RPS6KA2: variants seen among roughly 807,000 people sequenced by gnomAD.
RPS6KA2 encodes the protein ribosomal protein S6 kinase alpha-2.
Under a neutral mutation model 91.8 loss-of-function variants are expected in RPS6KA2, and 42 were observed. That is an observed-to-expected ratio of 0.46 (90% confidence interval 0.36 to 0.59). RPS6KA2 has a LOEUF of 0.59. Ranked by LOEUF, RPS6KA2 falls within the 20% of genes least tolerant of loss-of-function variation. The pLI is 0.00. For missense variants in RPS6KA2, 798 were observed against 978.5 expected (o/e 0.82, Z 2.46); for synonymous variants, 414 against 393.6 (o/e 1.05, Z -0.61).
chr6:166,523,377 C>T (rs1014582220), intron 3 of RPS6KA2, among the ~76,000 whole-genome samples: 2 of 152,186 alleles, frequency 1.3e-5, no homozygotes, highest in Non-Finnish European at 2.9e-5. Context: ...GATGTAGCTT[C>T]TTGCTGAAGA....
At chr6:166,704,350 C>T (rs772244901) in intron 2 of RPS6KA2, among the ~76,000 whole-genome samples, 40 of 152,328 alleles carry the variant, frequency 2.6e-4, no homozygotes, top group Middle Eastern at 3.4e-3. Context: ...ACGAGGCATG[C>T]GCATACTGCT....
At chr6:166,424,953 G>C (rs1778854946) in intron 16 of RPS6KA2, among the ~76,000 whole-genome samples, 1 of 152,176 alleles carries the variant, frequency 6.6e-6, no homozygotes. Flanking sequence ...ATTTGGAGCT[G>C]AAAACAACTG....
intron 2 of RPS6KA2, among the ~76,000 whole-genome samples, chr6:166,649,309 G>T (rs1787777758): frequency 6.6e-6 from 1 of 152,018 alleles, no homozygotes; most frequent in Non-Finnish European, 1.5e-5. Context: ...TAGGACCTTT[G>T]TTCATGCATT....
At chr6:166,645,829 A>G (rs1194452623) in intron 2 of RPS6KA2, among the ~76,000 whole-genome samples, 3 of 152,260 alleles carry the variant, frequency 2.0e-5, no homozygotes, top group African/African-American at 7.2e-5. Context: ...TACATGTGTC[A>G]ACATTTCAAC....
rs1778422248 is a variant in RPS6KA2 at position 166,770,008 on chromosome 6, A to G, written c.123+88192T>C. Among the ~76,000 whole-genome samples, 1 of 152,250 alleles carries G rather than the reference A, an allele frequency of 6.6e-6. No individual in the cohort carries two copies. Among genetic ancestry groups the G allele is most frequent in the Non-Finnish European group, 1.5e-5 (1 of 68,038 alleles). On this transcript the variant is annotated intron_variant, in intron 2 of 21. Transcript: ENST00000503859. This position sits in a 1 kb window ranked among gnomAD's most constrained non-coding sequence, Gnocchi z 5.1. ...AGTATTTTTGTTTCAAATGAACTACAGCGCAGTTTAACGTATCAATGTAGA... is the reference window on the plus strand; with the variant it reads ...AGTATTTTTGTTTCAAATGAACTACGGCGCAGTTTAACGTATCAATGTAGA...
intron 1 of RPS6KA2, among the ~76,000 whole-genome samples, chr6:166,618,681 C>A (rs1446057188): frequency 1.3e-5 from 2 of 152,248 alleles, no homozygotes; most frequent in East Asian, 3.8e-4. Context: ...AAATGCCCAT[C>A]ACCTCCGTTA....
chr6:166,566,825 T>C lies in RPS6KA2; in HGVS notation c.100-28041A>G, dbSNP rs140038173. On this transcript the variant is annotated intron_variant, in intron 1 of 20. Coordinates refer to ENST00000265678, the MANE Select transcript of RPS6KA2 (RefSeq NM_021135.6). Reference sequence around the variant, plus strand: ...TGACAGGCTCAGGGAAGCTGGGTGATTGGCTGGAGATCACACAGCCCACGC... The same window carrying C: ...TGACAGGCTCAGGGAAGCTGGGTGACTGGCTGGAGATCACACAGCCCACGC... 2.8e-3 allele frequency among the ~76,000 whole-genome samples: 434 copies of C among 152,302 alleles called. 2 individuals are homozygous for C. The highest frequency in any genetic ancestry group is 0.01 in the African/African-American group (421 of 41,556).
chr6:166,862,181 T>C (rs201503297), exon 1 of RPS6KA2: 12 of 1,614,182 alleles, frequency 7.4e-6, no homozygotes, highest in African/African-American at 6.7e-5. Flanking sequence ...TTTTAAACTT[T>C]CCTTTTCTGC....
At chr6:166,834,649 C>T (rs1256668736) in intron 2 of RPS6KA2, among the ~76,000 whole-genome samples, 1 of 152,122 alleles carries the variant, frequency 6.6e-6, no homozygotes, top group African/African-American at 2.4e-5. Flanking sequence ...AAATCTTTTG[C>T]CCATTTTTAT....
chr6:166,777,416 G>C (rs904721178), intron 2 of RPS6KA2, among the ~76,000 whole-genome samples: 6 of 152,136 alleles, frequency 3.9e-5, no homozygotes, highest in Non-Finnish European at 7.3e-5. Flanking sequence ...CTGAAACTGA[G>C]CCACGGGGAA....
exon 1 of RPS6KA2, chr6:166,862,493 G>A (rs538678409): frequency 7.4e-5 from 52 of 701,118 alleles, no homozygotes; most frequent in Middle Eastern, 5.1e-4. Context: ...CGGCGCTGCG[G>A]CTTCGGAATC....
At position 166,412,951 on chromosome 6, in the gene RPS6KA2, G is replaced by A. The variant is rs1243438629; in HGVS notation, c.2077-64C>T. ...CACTCCAGGGGTTGAGCCGGAGCCC[G>A]GGGCCTCCATGGGCCTCAGCTGCCC... On this transcript the variant is annotated intron_variant, in intron 20 of 20. Transcript: ENST00000265678. The surrounding 1 kb of genome is among the most constrained non-coding windows in gnomAD (Gnocchi z 4.3). The A allele has an allele frequency of 6.8e-7, 1 of 1,467,842 alleles. No homozygotes were observed. Among genetic ancestry groups the A allele is most frequent in the Admixed American group, 2.2e-5 (1 of 44,876 alleles). The allele number at this position is 1,467,842 out of a possible 1,614,324, so 90.9% of individuals were successfully genotyped here. A position where few individuals can be genotyped will look rare whatever the true frequency, so the allele number is the denominator to read the frequency against.
intron 6 of RPS6KA2, among the ~76,000 whole-genome samples, chr6:166,502,018 G>C (rs891712495): frequency 2.6e-5 from 4 of 152,194 alleles, no homozygotes; most frequent in African/African-American, 9.7e-5. Context: ...TCCCTAGAGG[G>C]GCCAGAGTCA....
rs143719390 is a variant in RPS6KA2, at chr6:166,639,940, G to A, written c.124-101156C>T. On this transcript the variant is annotated intron_variant, in intron 2 of 21. Transcript: ENST00000503859. This position sits in a 1 kb window ranked among gnomAD's most constrained non-coding sequence, Gnocchi z 4.2. The stretch of plus-strand genomic sequence containing the variant: ...AGCAAGTGTCCGTAGCGTTCCATGC[G>A]TGTGTGTAAACAGACGTTACTAGGA... Among the ~76,000 whole-genome samples, 21 of 152,362 alleles carry A rather than the reference G, an allele frequency of 1.4e-4. No homozygotes were observed. The East Asian group carries it at 4.0e-3, about 29-fold the overall frequency.
At chr6:166,779,619 C>T (rs1020890765) in intron 2 of RPS6KA2, among the ~76,000 whole-genome samples, 1 of 152,230 alleles carries the variant, frequency 6.6e-6, no homozygotes, top group African/African-American at 2.4e-5. Context: ...ATCCAGATCA[C>T]ACAGCCGTGA....
chr6:166,553,877 G>A (rs1304611576), intron 1 of RPS6KA2, among the ~76,000 whole-genome samples: 5 of 150,826 alleles, frequency 3.3e-5, no homozygotes, highest in South Asian at 2.1e-4. Context: ...GAACATTAGC[G>A]CAAATCCCCA....
rs540069317 is a variant in RPS6KA2, at chr6:166,821,205, G to T, written c.123+36995C>A. On this transcript the variant is annotated intron_variant, in intron 2 of 21. Coordinates refer to the RPS6KA2 transcript ENST00000503859. This position sits in a 1 kb window ranked among gnomAD's most constrained non-coding sequence, Gnocchi z 4.1. ...TCTAGCAAATTTGAAGTGTTATTTCGAATTGCTTAGTGGCTTTATTTTTAA... is the reference window on the plus strand; with the variant it reads ...TCTAGCAAATTTGAAGTGTTATTTCTAATTGCTTAGTGGCTTTATTTTTAA... 2.6e-5 allele frequency among the ~76,000 whole-genome samples: 4 copies of T among 152,214 alleles called. No individual in the cohort carries two copies. Among genetic ancestry groups the T allele is most frequent in the Admixed American group, 2.6e-4 (4 of 15,300 alleles).
intron 2 of RPS6KA2, among the ~76,000 whole-genome samples, chr6:166,724,089 CTCTT>C (rs531672364): frequency 1.3e-5 from 2 of 152,266 alleles, no homozygotes; most frequent in East Asian, 3.9e-4. Context: ...GTGGATTTCT[CTCTT>C]TCTCTGCATA....
chr6:166,634,355 G>A (rs1027344838), intron 2 of RPS6KA2, among the ~76,000 whole-genome samples: 1 of 152,292 alleles, frequency 6.6e-6, no homozygotes, highest in African/African-American at 2.4e-5. Flanking sequence ...AAATGGGGCC[G>A]GACGTTTCCA....
Sources: gnomAD v4.1 joint callset for allele counts (sites outside exome capture counted in the v4.1 genomes callset) on GRCh38, gnomAD v4.1.1 for gene constraint, Gnocchi (gnomAD v3.1) non-coding constraint, MANE v1.5 for transcripts, NCBI Gene and HGNC (gene_info 2026-07-23, HGNC 2026-07-21) for gene names.